Variants in PPP1R12B observed in about 807,000 individuals in gnomAD.
PPP1R12B encodes myosin phosphatase target subunit 2.
In PPP1R12B, 76 loss-of-function variants were observed where a neutral mutation model predicts 126.1. That is an observed-to-expected ratio of 0.60 (90% CI 0.50 to 0.73). The LOEUF (loss-of-function observed/expected upper bound fraction) is 0.73. PPP1R12B is among the 30% of genes least tolerant of loss of function. PPP1R12B has a pLI of 0.00. For synonymous variants in PPP1R12B, 356 were observed against 434.7 expected (o/e 0.82, Z 2.25); for missense variants, 1,052 against 1,205.1 (o/e 0.87, Z 1.88).
intron 18 of PPP1R12B, among the ~76,000 whole-genome samples, chr1:202,511,318 G>C (rs776197864): frequency 6.6e-6 from 1 of 151,814 alleles, no homozygotes; most frequent in Non-Finnish European, 1.5e-5. Context: ...CCGGGTTCAA[G>C]CGATTCTCCT....
At chr1:202,493,975 A>G (rs1431637370) in intron 15 of PPP1R12B, among the ~76,000 whole-genome samples, 3 of 152,220 alleles carry the variant, frequency 2.0e-5, no homozygotes, top group African/African-American at 4.8e-5. Context: ...AGTAAAAGGT[A>G]TAAGTTTATA....
At chr1:202,514,842 C>T (rs1225494392) in intron 18 of PPP1R12B, among the ~76,000 whole-genome samples, 1 of 152,064 alleles carries the variant, frequency 6.6e-6, no homozygotes, top group Non-Finnish European at 1.5e-5. Context: ...CACATGCATG[C>T]GAATGTTCAT....
intron 18 of PPP1R12B, among the ~76,000 whole-genome samples, chr1:202,518,617 A>G (rs925513958): frequency 1.3e-5 from 2 of 152,250 alleles, no homozygotes; most frequent in Non-Finnish European, 2.9e-5. Flanking sequence ...TAAAGAGACC[A>G]GGGAGAAAGT....
At chr1:202,482,639 T>C (rs1164166247) in intron 13 of PPP1R12B, among the ~76,000 whole-genome samples, 1 of 152,234 alleles carries the variant, frequency 6.6e-6, no homozygotes, top group Non-Finnish European at 1.5e-5. Flanking sequence ...TTCTGGATAT[T>C]AACTCCTTGT....
chr1:202,491,570 A>T (rs1413962526), intron 14 of PPP1R12B, among the ~76,000 whole-genome samples: 1 of 152,212 alleles, frequency 6.6e-6, no homozygotes, highest in African/African-American at 2.4e-5. Context: ...TAAAAAAATG[A>T]GTGGGAAATA....
rs1669396287 is a variant in PPP1R12B at position 202,425,579 on chromosome 1, G to A, written c.555G>A (p.Glu185=). Residue 185 remains glutamate (E), a synonymous_variant, in exon 4 of 24, where the codon GAG becomes GAA. Coordinates refer to ENST00000608999, the MANE Select transcript of PPP1R12B (RefSeq NM_002481.4). ...EQVKKQGVDL[E]QSRKEEEQQM... is the part of the protein sequence containing the mutation. Reference sequence around the variant, plus strand: ...TGGTTTCTGTAGGAGTTGATCTAGAGCAGTCAAGAAAAGAAGAAGAGCAGC... The same window carrying A: ...TGGTTTCTGTAGGAGTTGATCTAGAACAGTCAAGAAAAGAAGAAGAGCAGC... 6.2e-7 allele frequency: 1 copy of A among 1,613,940 alleles called. No individual in the cohort carries two copies. The highest frequency in any genetic ancestry group is 2.2e-5 in the East Asian group (1 of 44,888).
chr1:202,524,667 C>T (rs1009566591), intron 18 of PPP1R12B, among the ~76,000 whole-genome samples: 11 of 152,110 alleles, frequency 7.2e-5, no homozygotes, highest in African/African-American at 2.7e-4. Context: ...TCTCCAATTC[C>T]ATCCAAGTCA....
At chr1:202,408,196 G>A (rs1666879875) in intron 1 of PPP1R12B, among the ~76,000 whole-genome samples, 1 of 152,076 alleles carries the variant, frequency 6.6e-6, no homozygotes, top group Admixed American at 6.5e-5. Context: ...TTGGGGCAAG[G>A]GGACTTTGAG....
At chr1:202,356,131 T>C (rs775022451) in intron 1 of PPP1R12B, among the ~76,000 whole-genome samples, 1 of 152,138 alleles carries the variant, frequency 6.6e-6, no homozygotes, top group Non-Finnish European at 1.5e-5. Context: ...CAGTGAGCTG[T>C]GTTCACACCA....
chr1:202,351,492 G>A (rs565956808), intron 1 of PPP1R12B, among the ~76,000 whole-genome samples: 249 of 152,238 alleles, frequency 1.6e-3, no homozygotes, highest in African/African-American at 5.7e-3. Context: ...GCCTGCCTCG[G>A]CCTCCCAAAG....
At chr1:202,580,393 C>CAGGCT in intron 23 of PPP1R12B, 81 bp from the exon 24 acceptor site, 5 of 1,070,210 alleles carry the variant, frequency 4.7e-6, no homozygotes, top group Non-Finnish European at 7.2e-6. Flanking sequence ...CCCTGCTCAC[C>CAGGCT]AGGCTGGCCT....
chr1:202,455,188 A>G (rs1394040936), intron 13 of PPP1R12B, among the ~76,000 whole-genome samples: 3 of 125,088 alleles, frequency 2.4e-5, no homozygotes, highest in African/African-American at 5.0e-5. Context: ...GGTAGGAGCT[A>G]TATACATATA....
intron 2 of PPP1R12B, among the ~76,000 whole-genome samples, chr1:202,420,208 A>G (rs1227391146): frequency 2.0e-5 from 3 of 152,210 alleles, no homozygotes; most frequent in South Asian, 2.1e-4. Flanking sequence ...ATTGCCTTCA[A>G]GTAGCTTTCA....
chr1:202,572,757 T>C (rs1688729631), intron 23 of PPP1R12B, among the ~76,000 whole-genome samples: 4 of 152,214 alleles, frequency 2.6e-5, no homozygotes. Flanking sequence ...AACCAATTCC[T>C]TTTTAGATTG....
chr1:202,570,298 T>C (rs553717951), intron 23 of PPP1R12B, among the ~76,000 whole-genome samples: 2 of 152,190 alleles, frequency 1.3e-5, no homozygotes, highest in African/African-American at 4.8e-5. Flanking sequence ...AGATTGGTTA[T>C]TTATTGAAAA....
At chr1:202,459,660 T>C (rs1572126934) in intron 13 of PPP1R12B, among the ~76,000 whole-genome samples, 1 of 152,210 alleles carries the variant, frequency 6.6e-6, no homozygotes, top group Admixed American at 6.5e-5. Flanking sequence ...AGTCATTTGC[T>C]TAATATGACA....
At chr1:202,374,673 G>A (rs1571670300) in intron 1 of PPP1R12B, among the ~76,000 whole-genome samples, 1 of 150,296 alleles carries the variant, frequency 6.7e-6, no homozygotes, top group African/African-American at 2.4e-5. Context: ...TAATTTTTTT[G>A]TAGTTTTAGT....
intron 13 of PPP1R12B, among the ~76,000 whole-genome samples, chr1:202,478,949 G>A (rs1202095553): frequency 6.6e-6 from 1 of 152,188 alleles, no homozygotes; most frequent in Non-Finnish European, 1.5e-5. Context: ...TGTATGCAAA[G>A]AAGAGATAAA....
chr1:202,458,736 A>G (rs569634320), intron 13 of PPP1R12B, among the ~76,000 whole-genome samples: 26 of 152,362 alleles, frequency 1.7e-4, no homozygotes, highest in African/African-American at 6.3e-4. Context: ...GCTGGATGCT[A>G]ATTCTACTCT....
Sources: gnomAD v4.1 joint callset for allele counts (sites outside exome capture counted in the v4.1 genomes callset) on GRCh38, gnomAD v4.1.1 for gene constraint, MANE v1.5 for transcripts, NCBI Gene and HGNC (gene_info 2026-07-23, HGNC 2026-07-21) for gene names.